Variants in PPM1L observed in about 807,000 individuals in gnomAD.
PPM1L encodes the protein protein phosphatase, Mg2+/Mn2+ dependent 1L.
PPM1L carries 13 observed loss-of-function variants against 31.4 expected under a neutral mutation model. The ratio of observed to expected loss-of-function variants is 0.41; its 90% CI spans 0.27 to 0.66. The LOEUF (loss-of-function observed/expected upper bound fraction) is 0.66, where lower values mean the gene tolerates loss of function less well. PPM1L is among the 30% of genes least tolerant of loss of function. The pLI is 0.29. For synonymous variants in PPM1L, 184 were observed against 175.4 expected (o/e 1.05, Z -0.39); for missense variants, 326 against 453.7 (o/e 0.72, Z 2.56).
At chr3:160,802,492 A>G (rs1712460562) in intron 1 of PPM1L, among the ~76,000 whole-genome samples, 1 of 152,182 alleles carries the variant, frequency 6.6e-6, no homozygotes, top group South Asian at 2.1e-4. Flanking sequence ...GTCTCATTTG[A>G]TCGTTAGGAA....
At chr3:160,982,076 T>G (rs1008194694) in intron 2 of PPM1L, among the ~76,000 whole-genome samples, 3 of 152,138 alleles carry the variant, frequency 2.0e-5, no homozygotes, top group Non-Finnish European at 4.4e-5. Flanking sequence ...CCCTCTCGTT[T>G]TCTAATCACT....
intron 1 of PPM1L, among the ~76,000 whole-genome samples, chr3:160,914,508 C>T (rs1165980654): frequency 6.8e-6 from 1 of 146,844 alleles, no homozygotes; most frequent in Admixed American, 7.0e-5. Flanking sequence ...TCTCATTGTT[C>T]AATTCCCACC....
At chr3:160,975,873 C>G (rs1449290426) in intron 2 of PPM1L, among the ~76,000 whole-genome samples, 1 of 146,668 alleles carries the variant, frequency 6.8e-6, no homozygotes, top group Non-Finnish European at 1.5e-5. Flanking sequence ...ATTTCCTTCT[C>G]CTGCCTAATT....
chr3:160,812,229 T>C (rs1399705597), intron 1 of PPM1L, among the ~76,000 whole-genome samples: 3 of 152,196 alleles, frequency 2.0e-5, no homozygotes, highest in Non-Finnish European at 2.9e-5. Context: ...TTCTCCCCTT[T>C]TCCCACCTTC....
At chr3:161,067,794 G>A (rs1039216849) in intron 3 of PPM1L, among the ~76,000 whole-genome samples, 6 of 152,152 alleles carry the variant, frequency 3.9e-5, no homozygotes, top group Admixed American at 2.0e-4. Flanking sequence ...CCTGCCCATA[G>A]ATGTTTCACC....
intron 2 of PPM1L, among the ~76,000 whole-genome samples, chr3:161,003,232 G>A (rs1218689845): frequency 1.4e-5 from 2 of 147,200 alleles, no homozygotes; most frequent in African/African-American, 5.1e-5. Context: ...TGCTGTTTTG[G>A]TTACTGTAGC....
chr3:160,805,446 GT>G (rs1317679476), intron 1 of PPM1L, among the ~76,000 whole-genome samples: 1 of 152,170 alleles, frequency 6.6e-6, no homozygotes, highest in Non-Finnish European at 1.5e-5. Context: ...TTGAGGCCGG[GT>G]GCAGTGGCTC....
intron 1 of PPM1L, among the ~76,000 whole-genome samples, chr3:160,813,494 C>T (rs1175333711): frequency 6.6e-6 from 1 of 152,062 alleles, no homozygotes; most frequent in Non-Finnish European, 1.5e-5. Context: ...TGCGTGCCAC[C>T]ATGCCCAGCT....
intron 1 of PPM1L, among the ~76,000 whole-genome samples, chr3:160,779,580 T>A (rs1015701738): frequency 3.3e-5 from 5 of 152,090 alleles, no homozygotes; most frequent in African/African-American, 7.2e-5. Flanking sequence ...TGGAGTGCAG[T>A]GGCACCATCT....
intron 1 of PPM1L, among the ~76,000 whole-genome samples, chr3:160,855,542 A>G (rs950063692): frequency 6.6e-6 from 1 of 152,220 alleles, no homozygotes; most frequent in Non-Finnish European, 1.5e-5. Flanking sequence ...AAACAACCCC[A>G]TTAAAAAGTG....
intron 1 of PPM1L, among the ~76,000 whole-genome samples, chr3:160,808,392 T>TGG (rs1712694023): frequency 6.8e-6 from 1 of 147,716 alleles, no homozygotes; most frequent in African/African-American, 2.6e-5. Flanking sequence ...CCTGTGTGTG[T>TGG]GTGTGTGTGT....
At chr3:160,853,576 A>G (rs1576671507) in intron 1 of PPM1L, among the ~76,000 whole-genome samples, 1 of 152,294 alleles carries the variant, frequency 6.6e-6, no homozygotes, top group East Asian at 1.9e-4. Context: ...CTATAAAAGT[A>G]TAAAAATACT....
intron 1 of PPM1L, among the ~76,000 whole-genome samples, chr3:160,941,574 C>G (rs1715163934): frequency 6.6e-6 from 1 of 152,058 alleles, no homozygotes; most frequent in South Asian, 2.1e-4. Flanking sequence ...CATTTTTTCT[C>G]TTGCCACTGC....
intron 1 of PPM1L, among the ~76,000 whole-genome samples, chr3:160,907,578 T>C (rs1713807025): frequency 6.6e-6 from 1 of 152,250 alleles, no homozygotes; most frequent in African/African-American, 2.4e-5. Flanking sequence ...GTTTTGCTTT[T>C]AATTGCTGAG....
intron 1 of PPM1L, among the ~76,000 whole-genome samples, chr3:160,799,778 G>A (rs976101926): frequency 3.9e-5 from 6 of 152,074 alleles, no homozygotes; most frequent in African/African-American, 1.4e-4. Flanking sequence ...TATCAGAGAG[G>A]CCTTCTGTTA....
At chr3:160,830,761 G>A (rs532529514) in intron 1 of PPM1L, among the ~76,000 whole-genome samples, 2 of 152,200 alleles carry the variant, frequency 1.3e-5, no homozygotes, top group Admixed American at 1.3e-4. Flanking sequence ...TTGGTGTTAT[G>A]TTTTCTCTTG....
At chr3:160,767,499 C>T (rs1482171314) in intron 1 of PPM1L, among the ~76,000 whole-genome samples, 5 of 152,024 alleles carry the variant, frequency 3.3e-5, no homozygotes, top group South Asian at 4.1e-4. Flanking sequence ...CCTCCCAAAG[C>T]GCTGCAATTA....
intron 1 of PPM1L, among the ~76,000 whole-genome samples, chr3:160,896,582 T>C (rs1303665814): frequency 2.0e-5 from 3 of 152,236 alleles, no homozygotes; most frequent in Non-Finnish European, 2.9e-5. Flanking sequence ...AGAGTCTTCC[T>C]ACCCCTTTTA....
At chr3:161,018,800 A>T (rs547501558) in intron 2 of PPM1L, among the ~76,000 whole-genome samples, 1 of 152,230 alleles carries the variant, frequency 6.6e-6, no homozygotes, top group Non-Finnish European at 1.5e-5. Flanking sequence ...GCAGAACTGC[A>T]CATTTTCCAA....
Sources: gnomAD v4.1 joint callset for allele counts (sites outside exome capture counted in the v4.1 genomes callset) on GRCh38, gnomAD v4.1.1 for gene constraint, MANE v1.5 for transcripts, NCBI Gene and HGNC (gene_info 2026-07-23, HGNC 2026-07-21) for gene names.